CACNB3: variants seen among roughly 807,000 people sequenced by gnomAD.
CACNB3 encodes the protein voltage-dependent L-type calcium channel subunit beta-3.
Under a neutral mutation model 63.7 loss-of-function variants are expected in CACNB3, and 36 were observed. The ratio of observed to expected loss-of-function variants is 0.57; its 90% CI spans 0.43 to 0.75. The LOEUF (loss-of-function observed/expected upper bound fraction) is 0.75. Among genes scored for constraint, CACNB3 ranks in the 30% least tolerant of loss-of-function variants. The pLI is 0.00. For missense variants in CACNB3, 493 were observed against 648.6 expected (o/e 0.76, Z 2.61); for synonymous variants, 241 against 250.6 (o/e 0.96, Z 0.36).
At chr12:48,815,488 A>C, upstream of CACNB3, 1 of 1,290,780 alleles carries the variant, frequency 7.7e-7, no homozygotes. Context: ...CGAGAAAGGA[A>C]GGGAGAGGGA....
In CACNB3 at chr12:48,826,172, ACTC is replaced by A; in HGVS notation, c.743-191_743-189del. ...CCTTACCTCCTTGTCTTTCTGCCCA[ACTC>A]CTCTACCTGCCCCCAGGATTGGCAA... On this transcript the variant is annotated intron_variant, in intron 9 of 12. Coordinates refer to ENST00000301050, the MANE Select transcript of CACNB3 (RefSeq NM_000725.4). The surrounding 1 kb of genome is among the most constrained non-coding windows in gnomAD (Gnocchi z 4.8). 1 of 602,896 alleles carries A rather than the reference ACTC, an allele frequency of 1.7e-6. No individual in the cohort carries two copies. The highest frequency in any genetic ancestry group is 2.0e-5 in the South Asian group (1 of 49,556). 37.3% of individuals were successfully genotyped at this position (602,896 alleles called of 1,614,324 possible). A position where few individuals can be genotyped will look rare whatever the true frequency, so the allele number is the denominator to read the frequency against.
At position 48,826,627 on chromosome 12, in the gene CACNB3, C is replaced by A; in HGVS notation, c.894+109C>A. The A allele has an allele frequency of 6.8e-7, 1 of 1,466,816 alleles. No individual in the cohort carries two copies. Among genetic ancestry groups the A allele is most frequent in the Non-Finnish European group, 9.5e-7 (1 of 1,051,392 alleles). The allele number at this position is 1,466,816 out of a possible 1,614,324, so 90.9% of individuals were successfully genotyped here. ...CACCTGAGTTCCCTTTTCCTGCTGC[C>A]CTTAACACAACTCTGAGTCATCCTC... On this transcript the variant is annotated intron_variant, in intron 10 of 12. Transcript: ENST00000301050. The surrounding 1 kb of genome is among the most constrained non-coding windows in gnomAD (Gnocchi z 4.8).
In CACNB3 at chr12:48,825,281, C is replaced by A. The variant is rs1445110369; in HGVS notation, c.573+38C>A. 2.5e-6 allele frequency: 4 copies of A among 1,595,334 alleles called. No homozygotes were observed. Among genetic ancestry groups the A allele is most frequent in the Non-Finnish European group, 3.4e-6 (4 of 1,164,600 alleles). On this transcript the variant is annotated intron_variant, in intron 7 of 12. Coordinates refer to ENST00000301050, the MANE Select transcript of CACNB3 (RefSeq NM_000725.4). This position sits in a 1 kb window ranked among gnomAD's most constrained non-coding sequence, Gnocchi z 4.5. ...CCTTGACCCCAAAGAGTCACCTCTA[C>A]CAAGCCTGCCACAGGAAGTCCCTAG...
chr12:48,818,297 G>C, upstream of CACNB3: 1 of 185,940 alleles, frequency 5.4e-6, no homozygotes, highest in Non-Finnish European at 1.0e-5. This position sits in a 1 kb window ranked among gnomAD's most constrained non-coding sequence, Gnocchi z 4.3. Flanking sequence ...CTCTCTCTCC[G>C]GTTTCCTCGA....
rs991335921 is a variant in CACNB3, at chr12:48,825,345, G to T, written c.574-89G>T. On this transcript the variant is annotated intron_variant, in intron 7 of 12. Transcript: ENST00000301050. This position sits in a 1 kb window ranked among gnomAD's most constrained non-coding sequence, Gnocchi z 4.5. The stretch of plus-strand genomic sequence containing the variant: ...GGTGTGTCTCCTCCGTCCAGGGTGT[G>T]TATGTGGAGCGCATTGACTCTGGGG... The T allele has an allele frequency of 1.3e-6, 2 of 1,569,358 alleles. No homozygotes were observed. The highest frequency in any genetic ancestry group is 1.7e-5 in the Admixed American group (1 of 59,888).
chr12:48,818,683 T>G lies in CACNB3; in HGVS notation c.-247T>G. The G allele has an allele frequency of 8.3e-7, 1 of 1,206,240 alleles. No homozygotes were observed. Among genetic ancestry groups the G allele is most frequent in the Non-Finnish European group, 1.0e-6 (1 of 971,634 alleles). 74.7% of individuals were successfully genotyped at this position (1,206,240 alleles called of 1,614,324 possible). On this transcript the variant is annotated 5_prime_UTR_variant, in exon 1 of 13. Coordinates refer to ENST00000301050, the MANE Select transcript of CACNB3 (RefSeq NM_000725.4). The surrounding 1 kb of genome is among the most constrained non-coding windows in gnomAD (Gnocchi z 4.3). ...TATTGTTGTAGGAGCCGGCGCCAGATTCCTCAGCCGCGCTCGGGGTGGGAC... is the reference window on the plus strand; with the variant it reads ...TATTGTTGTAGGAGCCGGCGCCAGAGTCCTCAGCCGCGCTCGGGGTGGGAC...
chr12:48,825,696 G>A lies in CACNB3; in HGVS notation c.669G>A (p.Leu223=). 6.2e-7 allele frequency: 1 copy of A among 1,614,156 alleles called. No homozygotes were observed. Among genetic ancestry groups the A allele is most frequent in the African/African-American group, 1.3e-5 (1 of 75,034 alleles). ...CCCGAGTCACAGCCGACCTCTCCCT[G>A]GCAAAGCGATCTGTGCTCAACAATC... ...SITRVTADLS[L]AKRSVLNNPG... Residue 223 remains leucine (L), a synonymous_variant, in exon 9 of 13, where the codon CTG becomes CTA. Transcript: ENST00000301050. The surrounding 1 kb of genome is among the most constrained non-coding windows in gnomAD (Gnocchi z 4.5).
intron 12 of CACNB3, 123 bp downstream of exon 12, chr12:48,827,246 C>G: frequency 8.0e-7 from 1 of 1,245,772 alleles, no homozygotes; most frequent in Non-Finnish European, 1.1e-6. Context: ...ACTCTCAGCT[C>G]TGCTGTACAG....
chr12:48,824,273 T>A lies in CACNB3; in HGVS notation c.307T>A (p.Trp103Arg). Residue 103 changes from tryptophan (W) to arginine (R), a missense_variant, in exon 4 of 13, where the codon TGG becomes AGG. Transcript: ENST00000301050. ...CTGCCCCCAGAAGTACAGCAATGACTGGTGGATCGGGCGGCTAGTGAAAGA... is the reference window on the plus strand; with the variant it reads ...CTGCCCCCAGAAGTACAGCAATGACAGGTGGATCGGGCGGCTAGTGAAAGA... Reference protein sequence around the residue: ...LHIKEKYSNDWWIGRLVKEGG... With the variant: ...LHIKEKYSNDRWIGRLVKEGG... The A allele has an allele frequency of 6.2e-7, 1 of 1,613,028 alleles. No individual in the cohort carries two copies. The highest frequency in any genetic ancestry group is 8.5e-7 in the Non-Finnish European group (1 of 1,179,652).
Position 48,818,864 on chromosome 12 carries a change from C to G in CACNB3, c.-66C>G, listed in dbSNP as rs1017023154. On this transcript the variant is annotated 5_prime_UTR_variant, in exon 1 of 13. Transcript: ENST00000301050. This position sits in a 1 kb window ranked among gnomAD's most constrained non-coding sequence, Gnocchi z 4.3. ...GCATCTCCCGGGCGCGGCCCGCAGT[C>G]CTTGCCCCTGCCTCCGGGCCGCTCC... 1 of 1,528,892 alleles carries G rather than the reference C, an allele frequency of 6.5e-7. No homozygotes were observed. Among genetic ancestry groups the G allele is most frequent in the African/African-American group, 1.4e-5 (1 of 70,922 alleles). 94.7% of individuals were successfully genotyped at this position (1,528,892 alleles called of 1,614,324 possible). A position where few individuals can be genotyped will look rare whatever the true frequency, so the allele number is the denominator to read the frequency against.
chr12:48,828,341 AG>A lies in CACNB3; in HGVS notation c.*445del. 3.2e-6 allele frequency: 1 copy of A among 310,398 alleles called. No individual in the cohort carries two copies. The highest frequency in any genetic ancestry group is 8.1e-5 in the East Asian group (1 of 12,412). 19.2% of individuals were successfully genotyped at this position (310,398 alleles called of 1,614,324 possible). ...GAGCAGGCACAAGTCCTGACAGTCA[AG>A]GGACTGCTTTGGCATCCAGGGCCTC... On this transcript the variant is annotated 3_prime_UTR_variant, in exon 13 of 13. Coordinates refer to ENST00000301050, the MANE Select transcript of CACNB3 (RefSeq NM_000725.4).
rs760422233 is a variant in CACNB3 at position 48,824,302 on chromosome 12, C to A, written c.336C>A (p.Gly112=). The part of the protein sequence containing the change: ...DWWIGRLVKE[G]GDIAFIPSPQ... ...GGATCGGGCGGCTAGTGAAAGAGGG[C>A]GGGGACATCGCCTTCATCCCCAGCC... The change falls in exon 4 of 13, where the codon GGC becomes GGA. Residue 112 remains glycine (G), a synonymous_variant. Coordinates refer to ENST00000301050, the MANE Select transcript of CACNB3 (RefSeq NM_000725.4). The A allele has an allele frequency of 1.9e-6, 3 of 1,613,164 alleles. No individual in the cohort carries two copies. The South Asian group carries it at 3.3e-5, about 18-fold the overall frequency.
At position 48,823,536 on chromosome 12, in the gene CACNB3, C is replaced by A; in HGVS notation, c.168+70C>A. On this transcript the variant is annotated intron_variant, in intron 2 of 12. Transcript: ENST00000301050. The surrounding 1 kb of genome is among the most constrained non-coding windows in gnomAD (Gnocchi z 4.2). ...GGAAACCTGCACTCGGTCCTAAGTC[C>A]CAAGGGGTCCTTGGGCAGGATGTCC... is the stretch of plus-strand genomic sequence containing the variant. The A allele has an allele frequency of 6.3e-7, 1 of 1,598,054 alleles. No individual in the cohort carries two copies. Among genetic ancestry groups the A allele is most frequent in the Non-Finnish European group, 8.5e-7 (1 of 1,171,360 alleles).
rs554325345 is a variant in CACNB3 at position 48,825,672 on chromosome 12, C to G, written c.645C>G (p.Thr215=). Residue 215 remains threonine (T), a synonymous_variant, in exon 9 of 13, where the codon ACC becomes ACG. Coordinates refer to ENST00000301050, the MANE Select transcript of CACNB3 (RefSeq NM_000725.4). This position sits in a 1 kb window ranked among gnomAD's most constrained non-coding sequence, Gnocchi z 4.5. ...KHRFDGRISI[T]RVTADLSLAK... Reference sequence around the variant, plus strand: ...ACTCCCACCCCAGGATCTCCATCACCCGAGTCACAGCCGACCTCTCCCTGG... The same window carrying G: ...ACTCCCACCCCAGGATCTCCATCACGCGAGTCACAGCCGACCTCTCCCTGG... The G allele has an allele frequency of 3.7e-6, 6 of 1,614,058 alleles. No individual in the cohort carries two copies. The Admixed American group carries it at 5.0e-5, about 13-fold the overall frequency.
upstream of CACNB3, chr12:48,815,768 C>T (rs903569): frequency 5.9e-6 from 7 of 1,185,368 alleles, no homozygotes; most frequent in East Asian, 1.8e-4. Flanking sequence ...GAAGGGGGTT[C>T]CCCACTGGGT....
Position 48,828,533 on chromosome 12 carries a change from C to T in CACNB3, c.*634C>T. 1 of 383,282 alleles carries T rather than the reference C, an allele frequency of 2.6e-6. No homozygotes were observed. Among genetic ancestry groups the T allele is most frequent in the Admixed American group, 3.0e-5 (1 of 33,004 alleles). The allele number at this position is 383,282 out of a possible 1,614,324, so 23.7% of individuals were successfully genotyped here. On this transcript the variant is annotated 3_prime_UTR_variant, in exon 13 of 13. Transcript: ENST00000301050. Reference sequence around the variant, plus strand: ...CAGCTGAAGCTCTTGGAGGGAAGGGCTCTCCTCACCCTGCCAGGAAGCTTC... The same window carrying T: ...CAGCTGAAGCTCTTGGAGGGAAGGGTTCTCCTCACCCTGCCAGGAAGCTTC...
Position 48,828,001 on chromosome 12 carries a change from C to A in CACNB3, c.*102C>A. On this transcript the variant is annotated 3_prime_UTR_variant, in exon 13 of 13. Transcript: ENST00000301050. Reference sequence around the variant, plus strand: ...ACTGGCATCAGGCTGGCACTAGGCTCAGCCCCCAAAACCCCCTGCCCAGCC... The same window carrying A: ...ACTGGCATCAGGCTGGCACTAGGCTAAGCCCCCAAAACCCCCTGCCCAGCC... The A allele has an allele frequency of 9.7e-7, 1 of 1,035,398 alleles. No individual in the cohort carries two copies. Among genetic ancestry groups the A allele is most frequent in the Non-Finnish European group, 1.4e-6 (1 of 701,060 alleles). 64.1% of individuals were successfully genotyped at this position (1,035,398 alleles called of 1,614,324 possible). A position where few individuals can be genotyped will look rare whatever the true frequency, so the allele number is the denominator to read the frequency against.
chr12:48,817,476 A>T (rs762321536), upstream of CACNB3, among the ~76,000 whole-genome samples: 3 of 152,218 alleles, frequency 2.0e-5, no homozygotes, highest in Non-Finnish European at 4.4e-5. Context: ...CTCCAAGTGT[A>T]ACCCCTGTCT....
intron 4 of CACNB3, 21 bp from the exon 5 acceptor site, chr12:48,824,646 CTT>C (rs1565668034): frequency 9.4e-6 from 15 of 1,603,006 alleles, no homozygotes; most frequent in Non-Finnish European, 1.1e-5. Context: ...CTCTCTCTCT[CTT>C]TCACCTCCCT....
Sources: allele counts gnomAD v4.1 joint callset (sites outside exome capture counted in the v4.1 genomes callset), GRCh38; gene constraint gnomAD v4.1.1; non-coding constraint Gnocchi (gnomAD v3.1); transcripts MANE v1.5; gene names NCBI Gene and HGNC (gene_info 2026-07-23, HGNC 2026-07-21).